The following SCNN1G variants were observed in gnomAD, a reference collection of about 807,000 sequenced individuals.
SCNN1G encodes the protein sodium channel epithelial 1 subunit gamma.
Under a neutral mutation model 64.6 loss-of-function variants are expected in SCNN1G, and 27 were observed. The ratio of observed to expected loss-of-function variants is 0.42; its 90% CI spans 0.31 to 0.58. The LOEUF (loss-of-function observed/expected upper bound fraction) is 0.58, where lower values mean the gene tolerates loss of function less well. Ranked by LOEUF, SCNN1G falls within the 20% of genes least tolerant of loss-of-function variation. SCNN1G has a pLI of 0.18. For synonymous variants in SCNN1G, 330 were observed against 314.2 expected (o/e 1.05, Z -0.53); for missense variants, 743 against 823.4 (o/e 0.90, Z 1.19).
rs766222054 is a variant in SCNN1G, at chr16:23,186,251, C to A, written c.-21C>A. ...AGCACGCCCGTCCTCAGAGTCCCGT[C>A]CTCAAAGTCCCATCCTCGCCATGGC... On this transcript the variant is annotated 5_prime_UTR_variant, in exon 2 of 13. Transcript: ENST00000300061. 1 of 1,613,902 alleles carries A rather than the reference C, an allele frequency of 6.2e-7. No homozygotes were observed. The highest frequency in any genetic ancestry group is 8.5e-7 in the Non-Finnish European group (1 of 1,179,812).
chr16:23,209,296 T>G (rs75524694), intron 6 of SCNN1G, among the ~76,000 whole-genome samples: 11 of 152,292 alleles, frequency 7.2e-5, no homozygotes, highest in African/African-American at 2.6e-4. Flanking sequence ...CCCGACTTCC[T>G]GTCCACTTCT....
chr16:23,188,746 C>T (rs112268892), intron 2 of SCNN1G, among the ~76,000 whole-genome samples: 8,935 of 152,180 alleles, frequency 0.059, 345 homozygotes, highest in Non-Finnish European at 0.074. Flanking sequence ...AATTGCTATG[C>T]TCTGCTGCCT....
Position 23,189,684 on chromosome 16 carries a change from C to T in SCNN1G, c.618+13C>T. 1.2e-5 allele frequency: 20 copies of T among 1,613,152 alleles called. No homozygotes were observed. Among genetic ancestry groups the T allele is most frequent in the East Asian group, 2.2e-5 (1 of 44,872 alleles). ...GGGATTCCAACTGGTAAGATTTCAC[C>T]TTCTCATTCTTTCACTGCTTAGGGG... On this transcript the variant is annotated intron_variant, in intron 3 of 12. Coordinates refer to ENST00000300061, the MANE Select transcript of SCNN1G (RefSeq NM_001039.4).
chr16:23,209,958 C>T, intron 7 of SCNN1G, 110 bp downstream of exon 7: 1 of 780,844 alleles, frequency 1.3e-6, no homozygotes, highest in South Asian at 1.4e-5. Flanking sequence ...GTGAGGATCC[C>T]TGGGGTTCAT....
intron 5 of SCNN1G, 75 bp downstream of exon 5, chr16:23,194,349 C>G: frequency 9.8e-7 from 1 of 1,023,802 alleles, no homozygotes. Flanking sequence ...AGTGGGGATG[C>G]GGGAGCCCTC....
chr16:23,210,610 C>T (rs768776375), intron 7 of SCNN1G, among the ~76,000 whole-genome samples: 1 of 152,112 alleles, frequency 6.6e-6, no homozygotes, highest in African/African-American at 2.4e-5. Flanking sequence ...TAGTTCACCT[C>T]CTACCAGGAT....
intron 11 of SCNN1G, 115 bp from the exon 12 acceptor site, chr16:23,214,597 G>A: frequency 1.3e-6 from 1 of 796,780 alleles, no homozygotes; most frequent in Non-Finnish European, 2.2e-6. Context: ...ATATCCCCAA[G>A]GAGCTCAGTG....
intron 4 of SCNN1G, among the ~76,000 whole-genome samples, chr16:23,193,150 A>G (rs1567263910): frequency 6.6e-6 from 1 of 150,750 alleles, no homozygotes; most frequent in South Asian, 2.1e-4. Flanking sequence ...TTTTTGTCAT[A>G]TGGTGTGCCT....
At position 23,186,404 on chromosome 16, in the gene SCNN1G, G is replaced by C. The variant is rs1392208138; in HGVS notation, c.133G>C (p.Val45Leu). The C allele has an allele frequency of 1.2e-6, 2 of 1,614,242 alleles. No individual in the cohort carries two copies. The highest frequency in any genetic ancestry group is 1.7e-6 in the Non-Finnish European group (2 of 1,180,044). The change falls in exon 2 of 13, where the codon GTG becomes CTG. Residue 45 changes from valine to leucine, a missense_variant. By Grantham distance (32) the Val-to-Leu change is conservative (BLOSUM62 1). Transcript: ENST00000300061. ...CAACACCCATGGCTGTCGCCGCATC[G>C]TGGTGTCCCGCGGCCGTCTGCGCCG... Reference protein sequence around the residue: ...NTNTHGCRRIVVSRGRLRRLL... With the variant: ...NTNTHGCRRILVSRGRLRRLL...
At position 23,197,417 on chromosome 16, in the gene SCNN1G, G is replaced by T; in HGVS notation, c.1067G>T (p.Gly356Val). The change falls in exon 6 of 13, where the codon GGA becomes GTA. Residue 356 changes from glycine (G) to valine (V), a missense_variant. Coordinates refer to ENST00000300061, the MANE Select transcript of SCNN1G (RefSeq NM_001039.4). ...EIETAMVTSI[G>V]MHLTESFKLS... ...GAGACAGCAATGGTCACCTCTATAG[G>T]AATGCACCTGGTAAGAGAATATTCT... 1 of 1,613,810 alleles carries T rather than the reference G, an allele frequency of 6.2e-7. No individual in the cohort carries two copies. Among genetic ancestry groups the T allele is most frequent in the East Asian group, 2.2e-5 (1 of 44,880 alleles).
intron 6 of SCNN1G, 37 bp from the exon 7 acceptor site, chr16:23,209,713 G>A: frequency 1.3e-6 from 2 of 1,507,746 alleles, no homozygotes; most frequent in Middle Eastern, 1.7e-4. Flanking sequence ...GGGTCCGGGG[G>A]GAGGACAGGG....
intron 6 of SCNN1G, among the ~76,000 whole-genome samples, chr16:23,206,440 G>A (rs1959991509): frequency 6.6e-6 from 1 of 152,156 alleles, no homozygotes; most frequent in Non-Finnish European, 1.5e-5. Context: ...TTCCCCCTTA[G>A]CACTGTTTAT....
At chr16:23,205,430 C>T (rs758504482) in intron 6 of SCNN1G, among the ~76,000 whole-genome samples, 3 of 152,092 alleles carry the variant, frequency 2.0e-5, no homozygotes, top group Non-Finnish European at 4.4e-5. Flanking sequence ...CCAAGCTGGG[C>T]ACAGTGGCTC....
intron 2 of SCNN1G, among the ~76,000 whole-genome samples, chr16:23,188,697 A>G (rs1959654557): frequency 6.6e-6 from 1 of 152,106 alleles, no homozygotes; most frequent in African/African-American, 2.4e-5. Context: ...GGGAACCTAA[A>G]CTCAGGTAAT....
chr16:23,187,406 C>T (rs914434567), intron 2 of SCNN1G, among the ~76,000 whole-genome samples: 2 of 152,140 alleles, frequency 1.3e-5, no homozygotes, highest in Admixed American at 6.5e-5. Flanking sequence ...ACCACACCCA[C>T]TCCATCAATG....
chr16:23,208,900 C>G (rs1960035951), intron 6 of SCNN1G, among the ~76,000 whole-genome samples: 1 of 151,950 alleles, frequency 6.6e-6, no homozygotes, highest in Non-Finnish European at 1.5e-5. Context: ...CTGAGCCTGG[C>G]CCCTGCTCAT....
intron 6 of SCNN1G, among the ~76,000 whole-genome samples, chr16:23,208,813 T>C (rs1278630585): frequency 1.3e-5 from 2 of 150,598 alleles, no homozygotes; most frequent in Non-Finnish European, 3.0e-5. Context: ...CCATAGCTCA[T>C]TGCAGCCTCA....
chr16:23,212,660 C>G lies in SCNN1G; in HGVS notation c.1295-18C>G. ...CTGTGGCTCCAAAGCTCATGCTGCCCTCTCCCTTGTCCCTCAGTGTATTGT... is the reference window on the plus strand; with the variant it reads ...CTGTGGCTCCAAAGCTCATGCTGCCGTCTCCCTTGTCCCTCAGTGTATTGT... On this transcript the variant is annotated intron_variant, in intron 8 of 12. Transcript: ENST00000300061. The G allele has an allele frequency of 1.9e-6, 3 of 1,607,340 alleles. No individual in the cohort carries two copies. Among genetic ancestry groups the G allele is most frequent in the Non-Finnish European group, 2.6e-6 (3 of 1,173,832 alleles).
At chr16:23,202,310 G>A (rs904210596) in intron 6 of SCNN1G, among the ~76,000 whole-genome samples, 2 of 150,146 alleles carry the variant, frequency 1.3e-5, no homozygotes, top group African/African-American at 4.9e-5. Flanking sequence ...ATGGATGGAT[G>A]GATAGGTGAG....
Sources: allele counts gnomAD v4.1 joint callset (sites outside exome capture counted in the v4.1 genomes callset), GRCh38; gene constraint gnomAD v4.1.1; transcripts MANE v1.5; gene names NCBI Gene and HGNC (gene_info 2026-07-23, HGNC 2026-07-21).